UBE2G1: variants seen among roughly 807,000 people sequenced by gnomAD.
UBE2G1 encodes the protein ubiquitin-conjugating enzyme E2 G1.
In UBE2G1, 5 loss-of-function variants were observed where a neutral mutation model predicts 22.7. That is an observed-to-expected ratio of 0.22 (90% confidence interval 0.12 to 0.46). UBE2G1 has a LOEUF of 0.46. UBE2G1 is among the 20% of genes least tolerant of loss of function. The probability of loss-of-function intolerance (pLI) is 0.99; values close to 1 mark genes in which losing one functional copy is unlikely to be tolerated. For missense variants in UBE2G1, 88 were observed against 203.9 expected (o/e 0.43, Z 3.46); for synonymous variants, 74 against 67.5 (o/e 1.10, Z -0.47).
In UBE2G1 at chr17:4,347,766, G is replaced by A. The variant is rs572412317; in HGVS notation, c.46+18505C>T. Among the ~76,000 whole-genome samples the A allele has an allele frequency of 2.6e-5, 4 of 152,120 alleles. No individual in the cohort carries two copies. In the South Asian group the frequency reaches 6.2e-4, roughly 24 times the overall value. The stretch of plus-strand genomic sequence containing the variant: ...TGACAGGATAAAGGCGTGAGCCACC[G>A]CGCCTGGCCAGTTTTTTTCATTATT... On this transcript the variant is annotated intron_variant, in intron 1 of 5. Transcript: ENST00000396981.
At chr17:4,325,349 CAACT>C (rs933497466) in intron 1 of UBE2G1, among the ~76,000 whole-genome samples, 11 of 152,058 alleles carry the variant, frequency 7.2e-5, no homozygotes, top group Non-Finnish European at 1.3e-4. Context: ...AAACTTCAAC[CAACT>C]ATTTCTTCAC....
chr17:4,333,490 A>T (rs1371893124), intron 1 of UBE2G1, among the ~76,000 whole-genome samples: 1 of 152,166 alleles, frequency 6.6e-6, no homozygotes, highest in Non-Finnish European at 1.5e-5. Context: ...AGCCTGGCCA[A>T]CATGGAGAAA....
At chr17:4,272,952 T>G (rs1393501354) in intron 5 of UBE2G1, among the ~76,000 whole-genome samples, 3 of 152,192 alleles carry the variant, frequency 2.0e-5, no homozygotes, top group African/African-American at 7.2e-5. Context: ...TTACAAACAT[T>G]TGAGGATGTT....
intron 1 of UBE2G1, among the ~76,000 whole-genome samples, chr17:4,344,940 T>C (rs1168004447): frequency 6.6e-6 from 1 of 152,212 alleles, no homozygotes; most frequent in African/African-American, 2.4e-5. Context: ...CTTCAGAAAT[T>C]TCCCACAATT....
intron 1 of UBE2G1, among the ~76,000 whole-genome samples, chr17:4,338,885 G>A (rs941453869): frequency 6.6e-6 from 1 of 152,162 alleles, no homozygotes; most frequent in African/African-American, 2.4e-5. Flanking sequence ...CAAGGAAGGG[G>A]CAAGTATCTT....
chr17:4,308,301 C>G (rs1469242228), intron 1 of UBE2G1, among the ~76,000 whole-genome samples: 1 of 152,160 alleles, frequency 6.6e-6, no homozygotes, highest in Non-Finnish European at 1.5e-5. Context: ...TGTGGTGAGC[C>G]AAGATCGCGC....
At chr17:4,363,478 T>C (rs1485053928) in intron 1 of UBE2G1, among the ~76,000 whole-genome samples, 2 of 152,126 alleles carry the variant, frequency 1.3e-5, no homozygotes, top group Non-Finnish European at 2.9e-5. Flanking sequence ...ATTTGCTATA[T>C]ACATTGTCAA....
intron 1 of UBE2G1, among the ~76,000 whole-genome samples, chr17:4,361,663 G>A (rs997262783): frequency 6.6e-6 from 1 of 152,228 alleles, no homozygotes; most frequent in Non-Finnish European, 1.5e-5. Context: ...TGTCAGCCAG[G>A]CATGATGGCT....
At chr17:4,301,471 A>C in intron 2 of UBE2G1, 1 of 789,480 alleles carries the variant, frequency 1.3e-6, no homozygotes, top group South Asian at 1.3e-5. Context: ...TTTTGCTATA[A>C]TAATCCTGCT....
intron 1 of UBE2G1, among the ~76,000 whole-genome samples, chr17:4,311,411 T>A (rs574475371): frequency 2.0e-5 from 3 of 152,268 alleles, no homozygotes; most frequent in South Asian, 2.1e-4. Context: ...GAAACTCAAG[T>A]GTCCATCGAC....
chr17:4,366,360 G>C lies in UBE2G1; in HGVS notation c.-44C>G. 1 of 1,497,058 alleles carries C rather than the reference G, an allele frequency of 6.7e-7. No homozygotes were observed. The highest frequency in any genetic ancestry group is 1.3e-5 in the South Asian group (1 of 78,552). 92.7% of individuals were successfully genotyped at this position (1,497,058 alleles called of 1,614,324 possible). ...GGGCTGGCGCCGGGGCTTCCGAAGG[G>C]CTGGGGACAGGCTCTGGGGGCGGCT... is the stretch of plus-strand genomic sequence containing the variant. On this transcript the variant is annotated 5_prime_UTR_variant, in exon 1 of 6. Transcript: ENST00000396981.
intron 1 of UBE2G1, among the ~76,000 whole-genome samples, chr17:4,364,834 G>C (rs1671312694): frequency 6.6e-6 from 1 of 151,964 alleles, no homozygotes; most frequent in South Asian, 2.1e-4. Flanking sequence ...CGCCAGCCTC[G>C]GCCTCCCGAA....
At chr17:4,314,367 T>A (rs1277659469) in intron 1 of UBE2G1, among the ~76,000 whole-genome samples, 1 of 152,196 alleles carries the variant, frequency 6.6e-6, no homozygotes, top group Non-Finnish European at 1.5e-5. Context: ...TGAGTGTCAA[T>A]AAAGTTAGTA....
At chr17:4,328,373 C>G (rs1282130358) in intron 1 of UBE2G1, among the ~76,000 whole-genome samples, 3 of 152,122 alleles carry the variant, frequency 2.0e-5, no homozygotes, top group Non-Finnish European at 4.4e-5. Context: ...TGCAAAAGCC[C>G]TTTACTACCG....
chr17:4,293,260 T>C (rs1367877063), intron 3 of UBE2G1, among the ~76,000 whole-genome samples: 1 of 152,226 alleles, frequency 6.6e-6, no homozygotes, highest in African/African-American at 2.4e-5. Flanking sequence ...CGACTGACTT[T>C]GTTCACTTAA....
At chr17:4,328,486 A>G (rs1969527078) in intron 1 of UBE2G1, among the ~76,000 whole-genome samples, 1 of 152,216 alleles carries the variant, frequency 6.6e-6, no homozygotes, top group Non-Finnish European at 1.5e-5. Context: ...AAAGTCTATG[A>G]TTTTGATCTG....
intron 5 of UBE2G1, among the ~76,000 whole-genome samples, chr17:4,279,785 T>C (rs1300269262): frequency 1.2e-4 from 8 of 68,842 alleles, no homozygotes; most frequent in Non-Finnish European, 2.0e-4. Context: ...CAAAAAAAAG[T>C]TATATATATA....
chr17:4,284,838 C>CTTT (rs1176508350), intron 4 of UBE2G1, among the ~76,000 whole-genome samples: 8 of 22,316 alleles, frequency 3.6e-4, no homozygotes, highest in African/African-American at 6.5e-4. Context: ...TCTTTTCTTT[C>CTTT]TTTTTTTTTT....
chr17:4,291,707 A>C (rs569259845), intron 3 of UBE2G1, among the ~76,000 whole-genome samples: 1 of 152,302 alleles, frequency 6.6e-6, no homozygotes, highest in East Asian at 1.9e-4. Flanking sequence ...GGATTGTATC[A>C]ATTTATACTG....
Sources: allele counts gnomAD v4.1 joint callset (sites outside exome capture counted in the v4.1 genomes callset), GRCh38; gene constraint gnomAD v4.1.1; transcripts MANE v1.5; gene names NCBI Gene and HGNC (gene_info 2026-07-23, HGNC 2026-07-21).